Variants in TLN2 observed in about 807,000 individuals in gnomAD.
The protein encoded by TLN2 is talin 2, also known as talin-2.
Under a neutral mutation model 294.7 loss-of-function variants are expected in TLN2, and 118 were observed. The observed-to-expected ratio is 0.40, with a 90% CI of 0.34 to 0.47. The LOEUF is 0.47. TLN2 is among the 20% of genes least tolerant of loss of function. The pLI, the probability that TLN2 is intolerant of heterozygous loss-of-function variation, is 0.84. For missense variants in TLN2, 3,083 were observed against 3,282.2 expected (o/e 0.94, Z 1.48); for synonymous variants, 1,431 against 1,304.5 (o/e 1.10, Z -2.09).
chr15:62,792,826 C>T (rs368025697), intron 46 of TLN2, 39 bp downstream of exon 46: 86 of 1,609,230 alleles, frequency 5.3e-5, no homozygotes, highest in Non-Finnish European at 6.4e-5. Context: ...CAAGAACCTG[C>T]GCTGGCTCTC....
chr15:62,511,911 C>G (rs1462545764), intron 1 of TLN2, among the ~76,000 whole-genome samples: 1 of 152,150 alleles, frequency 6.6e-6, no homozygotes, highest in Non-Finnish European at 1.5e-5. Flanking sequence ...AAGACACTCT[C>G]AAAACCCAGC....
intron 37 of TLN2, among the ~76,000 whole-genome samples, chr15:62,760,177 G>C (rs935570996): frequency 2.0e-5 from 3 of 152,050 alleles, no homozygotes; most frequent in African/African-American, 7.3e-5. Flanking sequence ...CTGTCTGGTG[G>C]GGGAAGGGCA....
chr15:62,602,955 C>A (rs934904786), intron 2 of TLN2, among the ~76,000 whole-genome samples: 1 of 151,314 alleles, frequency 6.6e-6, no homozygotes, highest in African/African-American at 2.4e-5. Flanking sequence ...TGCAGTGGCG[C>A]GATCTTGGCT....
At chr15:62,670,678 G>A (rs560631482) in intron 9 of TLN2, among the ~76,000 whole-genome samples, 71 of 152,134 alleles carry the variant, frequency 4.7e-4, no homozygotes, top group African/African-American at 1.5e-3. Context: ...ATGTTCCATT[G>A]TATGGAGAAA....
At chr15:62,429,577 T>G (rs979596394) in intron 1 of TLN2, among the ~76,000 whole-genome samples, 4 of 152,170 alleles carry the variant, frequency 2.6e-5, no homozygotes, top group Admixed American at 2.6e-4. Flanking sequence ...TGCTGGTGTG[T>G]TTTGGAGAAG....
intron 47 of TLN2, among the ~76,000 whole-genome samples, chr15:62,797,014 AAT>A (rs2065533389): frequency 6.6e-6 from 1 of 152,212 alleles, no homozygotes; most frequent in Non-Finnish European, 1.5e-5. Flanking sequence ...TATGTGAATG[AAT>A]ACTGGTTGAC....
At chr15:62,837,404 C>T (rs2069828986) in intron 57 of TLN2, among the ~76,000 whole-genome samples, 1 of 152,184 alleles carries the variant, frequency 6.6e-6, no homozygotes, top group Non-Finnish European at 1.5e-5. Flanking sequence ...TTATATAAAT[C>T]ACTCAAAACT....
intron 21 of TLN2, among the ~76,000 whole-genome samples, chr15:62,709,288 C>G (rs764097257): frequency 3.9e-5 from 6 of 152,148 alleles, no homozygotes; most frequent in Non-Finnish European, 1.5e-5. Context: ...TTGGGAAATG[C>G]AGGGCAGAAT....
chr15:62,419,770 G>A (rs923054495), intron 1 of TLN2, among the ~76,000 whole-genome samples: 1 of 152,080 alleles, frequency 6.6e-6, no homozygotes, highest in Admixed American at 6.5e-5. Flanking sequence ...CTAAGCAGCT[G>A]GGACTACAGG....
chr15:62,615,275 A>G (rs2048223638), intron 2 of TLN2, among the ~76,000 whole-genome samples: 1 of 152,226 alleles, frequency 6.6e-6, no homozygotes, highest in African/African-American at 2.4e-5. Flanking sequence ...AAAGCATTGT[A>G]TTGAGTTTTC....
intron 1 of TLN2, among the ~76,000 whole-genome samples, chr15:62,456,371 G>T (rs998706297): frequency 7.9e-5 from 12 of 152,196 alleles, no homozygotes; most frequent in African/African-American, 2.9e-4. Flanking sequence ...TCAGCCGCAC[G>T]GAAGGTGGAG....
chr15:62,555,813 G>C (rs1009366270), intron 1 of TLN2, among the ~76,000 whole-genome samples: 1 of 151,738 alleles, frequency 6.6e-6, no homozygotes, highest in Non-Finnish European at 1.5e-5. Flanking sequence ...ATACTCTCCT[G>C]TTCTAGTGAT....
chr15:62,632,387 C>T (rs1440309371), intron 3 of TLN2, among the ~76,000 whole-genome samples: 8 of 152,292 alleles, frequency 5.3e-5, no homozygotes, highest in Middle Eastern at 3.4e-3. Flanking sequence ...ACTTCATCCT[C>T]GAATCACTTA....
intron 1 of TLN2, among the ~76,000 whole-genome samples, chr15:62,509,342 T>C (rs1382366161): frequency 6.6e-6 from 1 of 152,254 alleles, no homozygotes; most frequent in East Asian, 1.9e-4. Flanking sequence ...TAGAGCCTAT[T>C]TGTTTAGTCA....
At chr15:62,772,563 G>A (rs190072542) in intron 42 of TLN2, among the ~76,000 whole-genome samples, 3 of 152,174 alleles carry the variant, frequency 2.0e-5, no homozygotes, top group Admixed American at 2.0e-4. Context: ...CTTCTGGGTT[G>A]TCTTTTCTCC....
intron 1 of TLN2, among the ~76,000 whole-genome samples, chr15:62,541,680 C>T (rs1042321810): frequency 5.9e-5 from 9 of 152,122 alleles, no homozygotes; most frequent in Admixed American, 2.0e-4. Context: ...ACAATATCCC[C>T]CTTTATACAG....
chr15:62,733,783 T>C lies in TLN2; in HGVS notation c.3359-3095T>C, dbSNP rs2060858762. On this transcript the variant is annotated intron_variant, in intron 28 of 58. Coordinates refer to ENST00000636159, the MANE Select transcript of TLN2 (RefSeq NM_015059.3). ...AGAATACTGTGAAAGTAATCTGTGT[T>C]TTCAAAGGACTGTGGTTATTGAAAC... The C allele has an allele frequency of 5.9e-5, 9 of 152,274 alleles. 1 individual carries two copies. Among genetic ancestry groups the C allele is most frequent in the Admixed American group, 5.9e-4 (9 of 15,288 alleles). The allele number at this position is 152,274 out of a possible 1,614,324, so 9.4% of individuals were successfully genotyped here.
At chr15:62,770,824 A>T in intron 41 of TLN2, 140 bp from the exon 42 acceptor site, 1 of 987,030 alleles carries the variant, frequency 1.0e-6, no homozygotes, top group Non-Finnish European at 1.4e-6. Flanking sequence ...AAGCACTTTC[A>T]GCAGTAAATT....
rs143678817 is a variant in TLN2 at position 62,448,236 on chromosome 15, A to G, written c.-238+57551A>G. Among the ~76,000 whole-genome samples the G allele has an allele frequency of 2.7e-4, 41 of 152,334 alleles. No individual in the cohort carries two copies. The East Asian group carries it at 7.1e-3, about 27-fold the overall frequency. On this transcript the variant is annotated intron_variant, in intron 1 of 58. Transcript: ENST00000636159. ...ATCTATGTGCTATCCGCTGCAGTCC[A>G]CAGCACTGAGGAGTGACAGGATTCC...
Sources: allele counts gnomAD v4.1 joint callset (sites outside exome capture counted in the v4.1 genomes callset), GRCh38; gene constraint gnomAD v4.1.1; transcripts MANE v1.5; gene names NCBI Gene and HGNC (gene_info 2026-07-23, HGNC 2026-07-21).